Variants in GABBR2 observed in about 807,000 individuals in gnomAD.
GABBR2 encodes the protein gamma-aminobutyric acid type B receptor subunit 2, also known as G-protein coupled receptor 51.
In GABBR2, 23 loss-of-function variants were observed where a neutral mutation model predicts 105.6. The observed-to-expected ratio is 0.22, with a 90% CI of 0.16 to 0.31. The LOEUF is 0.31. Among genes scored for constraint, GABBR2 ranks in the 10% least tolerant of loss-of-function variants. The probability of loss-of-function intolerance (pLI) is 1.00; values close to 1 mark genes in which losing one functional copy is unlikely to be tolerated. For synonymous variants in GABBR2, 478 were observed against 499.7 expected (o/e 0.96, Z 0.58); for missense variants, 734 against 1,245.5 (o/e 0.59, Z 6.18).
intron 1 of GABBR2, among the ~76,000 whole-genome samples, chr9:98,613,737 A>G (rs1829541684): frequency 6.6e-6 from 1 of 152,236 alleles, no homozygotes; most frequent in African/African-American, 2.4e-5. Context: ...AAACAGAGAC[A>G]TTTTAAGACA....
At chr9:98,630,821 T>C (rs1335448992) in intron 1 of GABBR2, among the ~76,000 whole-genome samples, 3 of 152,156 alleles carry the variant, frequency 2.0e-5, no homozygotes, top group East Asian at 1.9e-4. Context: ...TTTTAAACTA[T>C]AGAGCTGCAC....
At chr9:98,525,406 G>A (rs1827938759) in intron 3 of GABBR2, among the ~76,000 whole-genome samples, 1 of 152,198 alleles carries the variant, frequency 6.6e-6, no homozygotes, top group African/African-American at 2.4e-5. Flanking sequence ...ATGAACACAT[G>A]TTCAACATCA....
intron 1 of GABBR2, among the ~76,000 whole-genome samples, chr9:98,679,793 T>A (rs545629075): frequency 2.6e-5 from 4 of 152,158 alleles, no homozygotes; most frequent in Non-Finnish European, 5.9e-5. Flanking sequence ...AACATCCTTA[T>A]CTCTGAAGAC....
At position 98,364,581 on chromosome 9, in the gene GABBR2, T is replaced by C. The variant is rs144609075; in HGVS notation, c.1771-1744A>G. ...AATCCTTCCAATTTAATGGCTCAAG[T>C]ATGAAGTCTGAGGAAGTGGATTTTT... On this transcript the variant is annotated intron_variant, in intron 12 of 18. Coordinates refer to ENST00000259455, the MANE Select transcript of GABBR2 (RefSeq NM_005458.8). Among the ~76,000 whole-genome samples the C allele has an allele frequency of 1.6e-4, 24 of 151,314 alleles. No individual in the cohort carries two copies. The East Asian group carries it at 4.5e-3, about 28-fold the overall frequency.
At chr9:98,650,079 G>C (rs1400276077) in intron 1 of GABBR2, among the ~76,000 whole-genome samples, 1 of 152,162 alleles carries the variant, frequency 6.6e-6, no homozygotes, top group East Asian at 1.9e-4. Flanking sequence ...AACTTATCAG[G>C]TGTGGTCTTG....
At chr9:98,428,843 G>C (rs1047434486) in intron 7 of GABBR2, among the ~76,000 whole-genome samples, 18 of 152,144 alleles carry the variant, frequency 1.2e-4, no homozygotes, top group African/African-American at 4.3e-4. Context: ...CCTGGCCCAG[G>C]AGAAAGCAGA....
chr9:98,621,114 T>C (rs1196925604), intron 1 of GABBR2, among the ~76,000 whole-genome samples: 2 of 152,206 alleles, frequency 1.3e-5, no homozygotes. Context: ...CCCTTCACAA[T>C]TTATGAAGCA....
chr9:98,615,010 C>T lies in GABBR2; in HGVS notation c.322-36938G>A, dbSNP rs74592498. On this transcript the variant is annotated intron_variant, in intron 1 of 18. Transcript: ENST00000259455. ...GTCCTGTAGCCTTTTCAATAAAAAT[C>T]CTTCATCTCCCTCTGTTCAGCTGAC... Among the ~76,000 whole-genome samples, 256 of 152,314 alleles carry T rather than the reference C, an allele frequency of 1.7e-3. 2 individuals are homozygous for T. Among genetic ancestry groups the T allele is most frequent in the African/African-American group, 5.8e-3 (243 of 41,574 alleles).
intron 1 of GABBR2, among the ~76,000 whole-genome samples, chr9:98,661,450 G>C (rs1830262229): frequency 6.6e-6 from 1 of 151,916 alleles, no homozygotes; most frequent in Non-Finnish European, 1.5e-5. Flanking sequence ...GCCCAGGCTG[G>C]AGTGCAATGG....
chr9:98,539,910 G>A (rs1213528384), intron 3 of GABBR2, among the ~76,000 whole-genome samples: 6 of 123,666 alleles, frequency 4.9e-5, no homozygotes, highest in African/African-American at 9.7e-5. Context: ...GTGAGACTTC[G>A]TCTAAAAAAA....
chr9:98,687,630 C>G (rs1293815577), intron 1 of GABBR2, among the ~76,000 whole-genome samples: 6 of 152,130 alleles, frequency 3.9e-5, no homozygotes, highest in Non-Finnish European at 7.4e-5. Context: ...CCCCATCCCC[C>G]AGCCCCCGCT....
chr9:98,432,772 C>G (rs992749149), intron 7 of GABBR2, among the ~76,000 whole-genome samples: 12 of 152,188 alleles, frequency 7.9e-5, no homozygotes, highest in Non-Finnish European at 1.2e-4. Context: ...ACCATCTCCT[C>G]TATCCTACAG....
intron 1 of GABBR2, among the ~76,000 whole-genome samples, chr9:98,683,056 C>A (rs951391342): frequency 2.0e-5 from 3 of 152,200 alleles, no homozygotes; most frequent in Non-Finnish European, 2.9e-5. Flanking sequence ...CACTGCCCAG[C>A]TCTGAGGTCT....
At chr9:98,571,897 A>G (rs1360839492) in intron 2 of GABBR2, among the ~76,000 whole-genome samples, 2 of 152,134 alleles carry the variant, frequency 1.3e-5, no homozygotes, top group Non-Finnish European at 2.9e-5. Flanking sequence ...TGCACCAGAG[A>G]CCAGCAAAAT....
At position 98,350,028 on chromosome 9, in the gene GABBR2, G is replaced by A. The variant is rs79173238; in HGVS notation, c.1893+12687C>T. The stretch of plus-strand genomic sequence containing the variant: ...CCATTTCCTTTAGGTTTTCCATATT[G>A]TTGGATATAGTTGTTCATAATAGTC... On this transcript the variant is annotated intron_variant, in intron 13 of 18. Coordinates refer to ENST00000259455, the MANE Select transcript of GABBR2 (RefSeq NM_005458.8). 3.4e-3 allele frequency among the ~76,000 whole-genome samples: 524 copies of A among 151,956 alleles called. 2 individuals carry two copies. Among genetic ancestry groups the A allele is most frequent in the African/African-American group, 0.011 (470 of 41,466 alleles).
At position 98,394,404 on chromosome 9, in the gene GABBR2, A is replaced by T. The variant is rs55672771; in HGVS notation, c.1298-149T>A. 2,696 of 635,484 alleles carry T rather than the reference A, an allele frequency of 4.2e-3. 63 individuals are homozygous for T. In the African/African-American group the frequency reaches 0.043, roughly 10 times the overall value. The allele number at this position is 635,484 out of a possible 1,614,324, so 39.4% of individuals were successfully genotyped here. ...CAATGCCTCTTCTGGTTAGAATCAC[A>T]AAACTTCTAACCTGATCTAGGCTGG... On this transcript the variant is annotated intron_variant, in intron 8 of 18. Coordinates refer to ENST00000259455, the MANE Select transcript of GABBR2 (RefSeq NM_005458.8).
chr9:98,634,401 A>T (rs2131831045), intron 1 of GABBR2, among the ~76,000 whole-genome samples: 1 of 152,362 alleles, frequency 6.6e-6, no homozygotes. Flanking sequence ...TCAGTTAAGG[A>T]TCTTGAGATG....
At chr9:98,574,725 T>C (rs1465341851) in intron 2 of GABBR2, among the ~76,000 whole-genome samples, 1 of 152,220 alleles carries the variant, frequency 6.6e-6, no homozygotes, top group Non-Finnish European at 1.5e-5. Flanking sequence ...GCTGTCCTGC[T>C]CATGGAGAGG....
At chr9:98,518,892 C>A (rs1291614887) in intron 3 of GABBR2, among the ~76,000 whole-genome samples, 1 of 152,072 alleles carries the variant, frequency 6.6e-6, no homozygotes, top group Non-Finnish European at 1.5e-5. Context: ...CTAGGTGAGC[C>A]GACTGTGTCT....
Sources: gnomAD v4.1 joint callset for allele counts (sites outside exome capture counted in the v4.1 genomes callset) on GRCh38, gnomAD v4.1.1 for gene constraint, MANE v1.5 for transcripts, NCBI Gene and HGNC (gene_info 2026-07-23, HGNC 2026-07-21) for gene names.